Variants in SMCHD1 observed in about 807,000 individuals in gnomAD.
The protein encoded by SMCHD1 is structural maintenance of chromosomes flexible hinge domain-containing protein 1.
In SMCHD1, 78 loss-of-function variants were observed where a neutral mutation model predicts 254.7. That is an observed-to-expected ratio of 0.31 (90% CI 0.26 to 0.37). SMCHD1 has a LOEUF of 0.37. SMCHD1 is among the 10% of genes least tolerant of loss of function. The probability of loss-of-function intolerance (pLI) is 1.00; values close to 1 mark genes in which losing one functional copy is unlikely to be tolerated. For missense variants in SMCHD1, 1,840 were observed against 2,408.1 expected (o/e 0.76, Z 4.94); for synonymous variants, 766 against 794.9 (o/e 0.96, Z 0.61).
chr18:2,803,257 A>G lies in SMCHD1; in HGVS notation c.*705A>G, dbSNP rs2076395456. ...AAAATATTCAGCAGCACCAAGTTTT[A>G]TAACTATTGTTTGTTTGACTTTATT... On this transcript the variant is annotated 3_prime_UTR_variant, in exon 48 of 48. Transcript: ENST00000320876. The G allele has an allele frequency of 6.7e-6, 1 of 148,752 alleles. No individual in the cohort carries two copies. The highest frequency in any genetic ancestry group is 6.7e-5 in the Admixed American group (1 of 14,860). The allele number at this position is 148,752 out of a possible 1,614,324, so 9.2% of individuals were successfully genotyped here.
intron 37 of SMCHD1, 100 bp from the exon 38 acceptor site, chr18:2,769,594 C>T: frequency 7.7e-7 from 1 of 1,300,970 alleles, no homozygotes; most frequent in Non-Finnish European, 1.1e-6. Flanking sequence ...TTAAAATTAA[C>T]CACTTACTTG....
Position 2,718,388 on chromosome 18 carries a change from T to C in SMCHD1, c.2412T>C (p.Tyr804=), listed in dbSNP as rs1403986426. The C allele has an allele frequency of 3.1e-6, 5 of 1,612,830 alleles. No homozygotes were observed. Among genetic ancestry groups the C allele is most frequent in the Non-Finnish European group, 4.2e-6 (5 of 1,179,130 alleles). The change falls in exon 19 of 48, where the codon TAT becomes TAC. Residue 804 remains tyrosine, a synonymous_variant. Coordinates refer to ENST00000320876, the MANE Select transcript of SMCHD1 (RefSeq NM_015295.3). The surrounding 1 kb of genome is among the most constrained non-coding windows in gnomAD (Gnocchi z 4.6). ...TGAATGAAAGTAATGCAGACACTTA[T>C]GCAGGAAGACCACTACCATCTAAAG... ...VVLNESNADT[Y]AGRPLPSKAI... is the part of the protein sequence containing the mutation.
At chr18:2,681,830 G>A (rs1032326292) in intron 5 of SMCHD1, among the ~76,000 whole-genome samples, 2 of 152,018 alleles carry the variant, frequency 1.3e-5, no homozygotes, top group Non-Finnish European at 2.9e-5. Flanking sequence ...CAATTAAAAG[G>A]CTCTCAACTC....
At chr18:2,746,590 C>A (rs1598398172) in intron 29 of SMCHD1, among the ~76,000 whole-genome samples, 2 of 152,258 alleles carry the variant, frequency 1.3e-5, no homozygotes, top group South Asian at 4.1e-4. Context: ...TGGTTTTTTT[C>A]ATAATGTCTT....
chr18:2,666,238 TA>T lies in SMCHD1; in HGVS notation c.262+9del. 7.3e-7 allele frequency: 1 copy of T among 1,369,744 alleles called. No homozygotes were observed. The highest frequency in any genetic ancestry group is 1.0e-6 in the Non-Finnish European group (1 of 970,494). 84.8% of individuals were successfully genotyped at this position (1,369,744 alleles called of 1,614,324 possible). ...AATTACCTGTGATAATTTTGGTAGG[TA>T]AACAGTGTTACTAAGTTGATGCTTT... On this transcript the variant is annotated splice_region_variant and intron_variant, in intron 2 of 47. Coordinates refer to ENST00000320876, the MANE Select transcript of SMCHD1 (RefSeq NM_015295.3).
chr18:2,763,185 A>G (rs1161558645), intron 36 of SMCHD1, among the ~76,000 whole-genome samples: 32 of 152,232 alleles, frequency 2.1e-4, no homozygotes, highest in Non-Finnish European at 4.4e-5. Flanking sequence ...AAACGGTGCC[A>G]TAGAATTACT....
In SMCHD1 at chr18:2,706,361, C is replaced by A; in HGVS notation, c.1957-3C>A. The A allele has an allele frequency of 6.5e-7, 1 of 1,540,262 alleles. No homozygotes were observed. Among genetic ancestry groups the A allele is most frequent in the Non-Finnish European group, 8.8e-7 (1 of 1,139,660 alleles). ...TGAAATGTTGGTAAATGTATTTATT[C>A]AGGAACCTCAGGCACTATATGATGA... On this transcript the variant is annotated splice_polypyrimidine_tract_variant and splice_region_variant and intron_variant, in intron 14 of 47. Coordinates refer to ENST00000320876, the MANE Select transcript of SMCHD1 (RefSeq NM_015295.3).
intron 16 of SMCHD1, 32 bp downstream of exon 16, chr18:2,707,677 G>C (rs937508104): frequency 1.3e-6 from 2 of 1,516,408 alleles, no homozygotes; most frequent in Non-Finnish European, 1.8e-6. Context: ...ATACCAAAAA[G>C]TGTGCTTTTC....
chr18:2,694,530 T>G lies in SMCHD1; in HGVS notation c.877T>G (p.Ser293Ala). 6.3e-7 allele frequency: 1 copy of G among 1,577,654 alleles called. No individual in the cohort carries two copies. Among genetic ancestry groups the G allele is most frequent in the Non-Finnish European group, 8.6e-7 (1 of 1,158,794 alleles). ...YSGYIRNRKPSDSVHITNDDE... is the reference protein window; with the variant it reads ...YSGYIRNRKPADSVHITNDDE... Reference sequence around the variant, plus strand: ...GTATTTCTGTTCACTCTTGTAGCCCTCTGATTCTGTTCACATTACAAATGA... The same window carrying G: ...GTATTTCTGTTCACTCTTGTAGCCCGCTGATTCTGTTCACATTACAAATGA... Residue 293 changes from serine to alanine, a missense_variant, in exon 8 of 48, where the codon TCT becomes GCT. Coordinates refer to ENST00000320876, the MANE Select transcript of SMCHD1 (RefSeq NM_015295.3).
intron 37 of SMCHD1, among the ~76,000 whole-genome samples, chr18:2,769,424 G>GA (rs1256427995): frequency 6.6e-6 from 1 of 152,092 alleles, no homozygotes; most frequent in Non-Finnish European, 1.5e-5. Flanking sequence ...ACTTTTTCTT[G>GA]AAATTTTTTA....
intron 34 of SMCHD1, among the ~76,000 whole-genome samples, chr18:2,758,881 C>T (rs982656907): frequency 1.3e-5 from 2 of 151,678 alleles, no homozygotes; most frequent in African/African-American, 2.4e-5. Context: ...TTGGTTTTCA[C>T]GGGCTTTGAT....
At chr18:2,657,549 G>A (rs1486013804) in intron 1 of SMCHD1, among the ~76,000 whole-genome samples, 1 of 152,124 alleles carries the variant, frequency 6.6e-6, no homozygotes, top group Non-Finnish European at 1.5e-5. Flanking sequence ...AACCAGAGGG[G>A]GGAAACAAGT....
At chr18:2,659,752 C>A in intron 1 of SMCHD1, among the ~76,000 whole-genome samples, 1 of 121,636 alleles carries the variant, frequency 8.2e-6, no homozygotes, top group East Asian at 2.4e-4. Context: ...CTACAATAAA[C>A]TTGAGATTTT....
At position 2,781,080 on chromosome 18, in the gene SMCHD1, G is replaced by A. The variant is rs1043447370; in HGVS notation, c.5547+2841G>A. On this transcript the variant is annotated intron_variant, in intron 44 of 47. Transcript: ENST00000320876. ...TTAAGCATTGATTTTTCACTCCCTC[G>A]AGGGGCTTTAGGATAGGAGACAAAA... 3.9e-5 allele frequency among the ~76,000 whole-genome samples: 6 copies of A among 152,144 alleles called. No individual in the cohort carries two copies. In the East Asian group the frequency reaches 5.8e-4, roughly 15 times the overall value.
rs373315944 is a variant in SMCHD1 at position 2,773,294 on chromosome 18, G to A, written c.5175+922G>A. Reference sequence around the variant, plus strand: ...ATATTATTCCAATTTTTAGAAAAAAGCAGTTCTTTGATCCTAAGCATATAA... The same window carrying A: ...ATATTATTCCAATTTTTAGAAAAAAACAGTTCTTTGATCCTAAGCATATAA... On this transcript the variant is annotated intron_variant, in intron 41 of 47. Coordinates refer to ENST00000320876, the MANE Select transcript of SMCHD1 (RefSeq NM_015295.3). Among the ~76,000 whole-genome samples, 6 of 152,162 alleles carry A rather than the reference G, an allele frequency of 3.9e-5. No homozygotes were observed. In the South Asian group the frequency reaches 1.0e-3, roughly 26 times the overall value.
chr18:2,786,850 G>A (rs1219610393), intron 45 of SMCHD1, among the ~76,000 whole-genome samples: 7 of 152,016 alleles, frequency 4.6e-5, no homozygotes, highest in Non-Finnish European at 4.4e-5. Flanking sequence ...GGTATTGTGC[G>A]GTGCGTACTT....
chr18:2,684,664 C>A (rs572457584), intron 5 of SMCHD1, among the ~76,000 whole-genome samples: 33 of 142,272 alleles, frequency 2.3e-4, no homozygotes, highest in Non-Finnish European at 3.4e-4. Context: ...ATTTTTTGTT[C>A]CCATTTTCTT....
intron 45 of SMCHD1, among the ~76,000 whole-genome samples, chr18:2,793,380 G>C (rs1264942868): frequency 6.6e-6 from 1 of 151,960 alleles, no homozygotes; most frequent in Non-Finnish European, 1.5e-5. Flanking sequence ...AACATTGCTT[G>C]AGGCCAGGCG....
At chr18:2,751,787 A>C (rs1216299533) in intron 33 of SMCHD1, among the ~76,000 whole-genome samples, 2 of 152,152 alleles carry the variant, frequency 1.3e-5, no homozygotes, top group Admixed American at 1.3e-4. Context: ...TGTCCAGTGG[A>C]AAGATCATAC....
Sources: gnomAD v4.1 joint callset for allele counts (sites outside exome capture counted in the v4.1 genomes callset) on GRCh38, gnomAD v4.1.1 for gene constraint, Gnocchi (gnomAD v3.1) non-coding constraint, MANE v1.5 for transcripts, NCBI Gene and HGNC (gene_info 2026-07-23, HGNC 2026-07-21) for gene names.